The following TIAM2 variants were observed in gnomAD, a reference collection of about 807,000 sequenced individuals.
The protein encoded by TIAM2 is rho guanine nucleotide exchange factor TIAM2.
In TIAM2, 80 loss-of-function variants were observed where a neutral mutation model predicts 152.9. That is an observed-to-expected ratio of 0.52 (90% CI 0.44 to 0.63). The LOEUF is 0.63. Ranked by LOEUF, TIAM2 falls within the 30% of genes least tolerant of loss-of-function variation. The pLI is 0.00. For missense variants in TIAM2, 1,965 were observed against 2,120.1 expected, an observed-to-expected ratio of 0.93 and a Z score of 1.44; for synonymous variants, 804 against 838.0, an observed-to-expected ratio of 0.96 and a Z score of 0.70.
chr6:155,131,228 C>T (rs1300303035), intron 4 of TIAM2, among the ~76,000 whole-genome samples: 19 of 151,944 alleles, frequency 1.3e-4, no homozygotes, highest in African/African-American at 2.9e-4. Flanking sequence ...GGCGTGGTGG[C>T]GGGTGCCTGT....
intron 15 of TIAM2, among the ~76,000 whole-genome samples, chr6:155,238,478 G>A (rs1174998211): frequency 2.6e-5 from 4 of 152,210 alleles, no homozygotes; most frequent in Non-Finnish European, 4.4e-5. Flanking sequence ...AAAGAGAAGC[G>A]ATTCTACTGA....
intron 1 of TIAM2, among the ~76,000 whole-genome samples, chr6:155,026,596 A>G (rs1250483771): frequency 6.6e-6 from 1 of 152,206 alleles, no homozygotes; most frequent in African/African-American, 2.4e-5. Context: ...CCCAGTGGGG[A>G]CTGGCAGTCC....
intron 14 of TIAM2, among the ~76,000 whole-genome samples, chr6:155,205,454 G>T (rs1781574508): frequency 1.3e-5 from 2 of 152,168 alleles, no homozygotes; most frequent in South Asian, 4.1e-4. Flanking sequence ...CTGGCTGCTG[G>T]AAAGGCAGGG....
rs535331279 is a variant in TIAM2, at chr6:155,000,864, G to A, written c.-209+5372G>A. Among the ~76,000 whole-genome samples, 41 of 152,240 alleles carry A rather than the reference G, an allele frequency of 2.7e-4. 2 individuals are homozygous for A. Among genetic ancestry groups the A allele is most frequent in the African/African-American group, 8.4e-4 (35 of 41,538 alleles). ...CTGGGTGTGGTGGTGCACATCTGTAGTCCGAGCTACTCGGGAGGTTGGGGC... is the reference window on the plus strand; with the variant it reads ...CTGGGTGTGGTGGTGCACATCTGTAATCCGAGCTACTCGGGAGGTTGGGGC... On this transcript the variant is annotated intron_variant, in intron 1 of 26. Coordinates refer to ENST00000682666, the MANE Select transcript of TIAM2 (RefSeq NM_012454.4).
chr6:155,052,041 A>G (rs992344167), intron 1 of TIAM2, among the ~76,000 whole-genome samples: 1 of 152,156 alleles, frequency 6.6e-6, no homozygotes, highest in Non-Finnish European at 1.5e-5. Context: ...AGCCTGTTCA[A>G]TTTAGAGGTA....
chr6:155,219,333 G>A (rs984242218), intron 15 of TIAM2, among the ~76,000 whole-genome samples: 3 of 152,110 alleles, frequency 2.0e-5, no homozygotes, highest in African/African-American at 7.2e-5. Context: ...CCTTTAGCAG[G>A]AGTAGGCTGT....
intron 1 of TIAM2, among the ~76,000 whole-genome samples, chr6:155,007,010 G>A (rs1281327251): frequency 6.6e-6 from 1 of 152,136 alleles, no homozygotes; most frequent in African/African-American, 2.4e-5. Flanking sequence ...ATTTTTTGTG[G>A]AGAAAGGGTC....
intron 2 of TIAM2, among the ~76,000 whole-genome samples, chr6:155,112,919 G>A (rs1024122385): frequency 1.3e-5 from 2 of 151,216 alleles, no homozygotes; most frequent in African/African-American, 4.9e-5. Flanking sequence ...CCCAAGCTGG[G>A]GCGCATTGCC....
At position 155,179,483 on chromosome 6, in the gene TIAM2, G is replaced by A. The variant is rs760661271; in HGVS notation, c.2707+27G>A. 6 of 1,570,002 alleles carry A rather than the reference G, an allele frequency of 3.8e-6. No homozygotes were observed. In the South Asian group the frequency reaches 6.0e-5, roughly 16 times the overall value. Reference sequence around the variant, plus strand: ...TGAGTGTAAGGAATGCCCCTTTCAGGGAATTGTGTTGTTCATCTTTGCCTA... The same window carrying A: ...TGAGTGTAAGGAATGCCCCTTTCAGAGAATTGTGTTGTTCATCTTTGCCTA... On this transcript the variant is annotated intron_variant, in intron 12 of 26. Coordinates refer to ENST00000682666, the MANE Select transcript of TIAM2 (RefSeq NM_012454.4).
intron 14 of TIAM2, among the ~76,000 whole-genome samples, chr6:155,199,072 T>A (rs1000678471): frequency 7.2e-5 from 11 of 151,810 alleles, no homozygotes; most frequent in Middle Eastern, 3.4e-3. Flanking sequence ...CTTCTTTATT[T>A]TTTTTTTTTA....
Position 155,129,893 on chromosome 6 carries a change from C to G in TIAM2, c.670C>G (p.Pro224Ala). Residue 224 changes from proline to alanine, a missense_variant, in exon 4 of 27, where the codon CCC (proline) becomes GCC (alanine). Pro to Ala is a conservative substitution (Grantham distance 27). This residue lies in a region of TIAM2 where 1,025 missense variants were observed against 1,119.4 expected (regional missense o/e 0.92). Transcript: ENST00000682666. This position sits in a 1 kb window ranked among gnomAD's most constrained non-coding sequence, Gnocchi z 4.8. ...GAGGGGGTCCAGCGCCGATTCCCTG[C>G]CCAGCCATCGCCCCTCTCCCACGGA... is the stretch of plus-strand genomic sequence containing the variant. ...ARRGSSADSL[P>A]SHRPSPTDSR... 2 of 1,613,846 alleles carry G rather than the reference C, an allele frequency of 1.2e-6. No individual in the cohort carries two copies. The highest frequency in any genetic ancestry group is 2.2e-5 in the South Asian group (2 of 91,086).
chr6:155,126,598 G>A (rs1208512666), intron 2 of TIAM2, among the ~76,000 whole-genome samples: 3 of 152,160 alleles, frequency 2.0e-5, no homozygotes, highest in African/African-American at 7.2e-5. Context: ...GGGCGTGGTG[G>A]TGCGTGCCTG....
In TIAM2 at chr6:155,130,276, C is replaced by T. The variant is rs1779416695; in HGVS notation, c.1053C>T (p.Ile351=). 6.2e-7 allele frequency: 1 copy of T among 1,614,086 alleles called. No individual in the cohort carries two copies. The highest frequency in any genetic ancestry group is 1.7e-5 in the Admixed American group (1 of 60,008). ...VPSRVAHGDP[I]QYSSFTLPCR... is the part of the protein sequence containing the mutation. ...CCAGAGTGGCACACGGGGACCCCATCCAGTACAGTTCCTTCACTCTCCCCT... is the reference window on the plus strand; with the variant it reads ...CCAGAGTGGCACACGGGGACCCCATTCAGTACAGTTCCTTCACTCTCCCCT... Residue 351 remains isoleucine, a synonymous_variant, in exon 4 of 27, where the codon ATC becomes ATT. Transcript: ENST00000682666.
At chr6:155,172,427 C>G (rs979970621) in intron 9 of TIAM2, among the ~76,000 whole-genome samples, 1 of 151,798 alleles carries the variant, frequency 6.6e-6, no homozygotes, top group Non-Finnish European at 1.5e-5. Flanking sequence ...CAATTTATGT[C>G]TTTCAAATGC....
At chr6:155,008,172 A>G (rs939286830) in intron 1 of TIAM2, among the ~76,000 whole-genome samples, 1 of 152,236 alleles carries the variant, frequency 6.6e-6, no homozygotes, top group African/African-American at 2.4e-5. Context: ...TTCAAGATAT[A>G]AAAGTACATT....
intron 1 of TIAM2, among the ~76,000 whole-genome samples, chr6:155,067,451 C>T (rs1016746648): frequency 2.8e-4 from 42 of 152,200 alleles, no homozygotes; most frequent in African/African-American, 9.9e-4. Flanking sequence ...CTGTCCCTGT[C>T]TCTGGAAGAG....
intron 1 of TIAM2, among the ~76,000 whole-genome samples, chr6:155,011,444 C>G (rs1169080621): frequency 6.6e-6 from 1 of 152,030 alleles, no homozygotes; most frequent in African/African-American, 2.4e-5. Context: ...AGCAAAATAA[C>G]TGAGTGTGAG....
intron 16 of TIAM2, among the ~76,000 whole-genome samples, chr6:155,241,595 G>T (rs1268207000): frequency 6.6e-6 from 1 of 152,190 alleles, no homozygotes; most frequent in African/African-American, 2.4e-5. Context: ...CTGCAAGACA[G>T]ATCTGAGCTT....
chr6:155,185,374 T>C (rs964639558), intron 14 of TIAM2, among the ~76,000 whole-genome samples: 3 of 151,828 alleles, frequency 2.0e-5, no homozygotes, highest in African/African-American at 4.8e-5. Context: ...CGATCCACCC[T>C]CCTCAGCCTC....
Sources: gnomAD v4.1 joint callset for allele counts (sites outside exome capture counted in the v4.1 genomes callset) on GRCh38, gnomAD v4.1.1 for gene constraint, gnomAD v4.1.1 regional missense constraint, Gnocchi (gnomAD v3.1) non-coding constraint, MANE v1.5 for transcripts, NCBI Gene and HGNC (gene_info 2026-07-23, HGNC 2026-07-21) for gene names.